The following R3HCC1L variants were observed in gnomAD, a reference collection of about 807,000 sequenced individuals.
R3HCC1L encodes the protein coiled-coil domain-containing protein R3HCC1L.
A neutral mutation model predicts 59.9 loss-of-function variants in R3HCC1L; 51 were observed. That is an observed-to-expected ratio of 0.85 (90% CI 0.68 to 1.07). The LOEUF is 1.07. Ranked by LOEUF, R3HCC1L falls within the 50% of genes least tolerant of loss-of-function variation. The pLI is 0.00. For missense variants in R3HCC1L, 965 were observed against 933.0 expected, an observed-to-expected ratio of 1.03 and a Z score of -0.45; for synonymous variants, 322 against 315.2, an observed-to-expected ratio of 1.02 and a Z score of -0.23.
rs1385721959 is a variant in R3HCC1L at position 98,163,272 on chromosome 10, CTT to C, written c.-119-20_-119-19del. The C allele has an allele frequency of 6.0e-4, 291 of 488,252 alleles. 1 individual carries two copies. Among genetic ancestry groups the C allele is most frequent in the South Asian group, 2.3e-4 (3 of 12,816 alleles). The allele number at this position is 488,252 out of a possible 1,614,324, so 30.2% of individuals were successfully genotyped here. On this transcript the variant is annotated intron_variant, in intron 3 of 9. Coordinates refer to ENST00000298999, the MANE Select transcript of R3HCC1L (RefSeq NM_001351015.2). ...TAACTGTGTATTTTTATAAAAATAA[CTT>C]ATTATTACTATTTTTCAGGTGAGGC...
At chr10:98,231,814 G>T (rs752541822) in intron 6 of R3HCC1L, 127 bp downstream of exon 6, 4 of 1,015,618 alleles carry the variant, frequency 3.9e-6, no homozygotes, top group Non-Finnish European at 5.6e-6. Context: ...CTGGTTTATT[G>T]TCTTTTCCAG....
At position 98,153,607 on chromosome 10, in the gene R3HCC1L, A is replaced by AT. The variant is rs1452535497; in HGVS notation, c.-267-2484dup. 2.1e-5 allele frequency among the ~76,000 whole-genome samples: 3 copies of AT among 145,402 alleles called. No individual in the cohort carries two copies. The South Asian group carries it at 6.4e-4, about 31-fold the overall frequency. On this transcript the variant is annotated intron_variant, in intron 1 of 9. Coordinates refer to ENST00000298999, the MANE Select transcript of R3HCC1L (RefSeq NM_001351015.2). ...TGCGAGAAACACCCAAGAATGATCA[A>AT]TTAAAAAAAAAAAAAAAAAAAAAAG...
At chr10:98,211,207 A>G in intron 5 of R3HCC1L, 1 of 687,826 alleles carries the variant, frequency 1.5e-6, no homozygotes. Flanking sequence ...AGTGATTTCC[A>G]AAGTATGGTC....
At chr10:98,172,845 CT>C (rs1220376562) in intron 4 of R3HCC1L, among the ~76,000 whole-genome samples, 1 of 152,120 alleles carries the variant, frequency 6.6e-6, no homozygotes, top group East Asian at 1.9e-4. Flanking sequence ...TTTGACTAAA[CT>C]TGGGATGACA....
chr10:98,208,782 T>G lies in R3HCC1L; in HGVS notation c.668T>G (p.Val223Gly), dbSNP rs1853103327. The change falls in exon 5 of 10, where the codon GTT becomes GGT. Residue 223 changes from valine (V) to glycine (G), a missense_variant. Transcript: ENST00000298999. ...VLEILYEFPR[V>G]FSSVMKPENM... The stretch of plus-strand genomic sequence containing the variant: ...GAGATACTATATGAGTTTCCTAGAG[T>G]TTTTAGTTCTGTCATGAAACCTGAG... 6.2e-7 allele frequency: 1 copy of G among 1,613,846 alleles called. No homozygotes were observed. The highest frequency in any genetic ancestry group is 8.5e-7 in the Non-Finnish European group (1 of 1,179,972).
intron 2 of R3HCC1L, among the ~76,000 whole-genome samples, chr10:98,156,663 A>G (rs1198274022): frequency 6.6e-6 from 1 of 152,228 alleles, no homozygotes; most frequent in Non-Finnish European, 1.5e-5. Context: ...AACATAATCT[A>G]TAGAGGAATG....
chr10:98,160,035 C>T (rs1392863727), intron 2 of R3HCC1L, among the ~76,000 whole-genome samples: 1 of 152,218 alleles, frequency 6.6e-6, no homozygotes, highest in Non-Finnish European at 1.5e-5. Context: ...CCCAACACTA[C>T]AGGGTTTATT....
At chr10:98,237,848 A>C (rs1857130656) in intron 9 of R3HCC1L, among the ~76,000 whole-genome samples, 1 of 152,180 alleles carries the variant, frequency 6.6e-6, no homozygotes, top group South Asian at 2.1e-4. Context: ...CATGGAGCCC[A>C]GGCTTTAAAT....
rs1191636538 is a variant in R3HCC1L, at chr10:98,209,298, A to G, written c.1184A>G (p.Tyr395Cys). The G allele has an allele frequency of 1.9e-6, 3 of 1,613,888 alleles. No homozygotes were observed. The East Asian group carries it at 6.7e-5, about 36-fold the overall frequency. ...GATCATGTAACTGTTGATAGCCCTT[A>G]TGTAGTTGCAGTTAGAATAGCTGAT... Reference protein sequence around the residue: ...CSDHVTVDSPYVVAVRIADET... With the variant: ...CSDHVTVDSPCVVAVRIADET... The change falls in exon 5 of 10, where the codon TAT (tyrosine) becomes TGT (cysteine). Residue 395 changes from tyrosine (Y) to cysteine (C), a missense_variant. By Grantham distance (194) the Tyr-to-Cys change is radical. Coordinates refer to ENST00000298999, the MANE Select transcript of R3HCC1L (RefSeq NM_001351015.2).
chr10:98,211,056 A>C (rs184386262), intron 5 of R3HCC1L, among the ~76,000 whole-genome samples: 1 of 152,212 alleles, frequency 6.6e-6, no homozygotes, highest in African/African-American at 2.4e-5. Flanking sequence ...GTCAGGAAAC[A>C]CTATATCTTA....
At chr10:98,158,090 A>G (rs575884176) in intron 2 of R3HCC1L, among the ~76,000 whole-genome samples, 7 of 152,354 alleles carry the variant, frequency 4.6e-5, no homozygotes, top group African/African-American at 1.4e-4. Context: ...ATACGCTGAT[A>G]AACATGAGGA....
chr10:98,154,002 T>C lies in R3HCC1L; in HGVS notation c.-267-2091T>C, dbSNP rs1219740131. On this transcript the variant is annotated intron_variant, in intron 1 of 9. Transcript: ENST00000298999. ...AAAGAGAAGGACACATCTCACTTCC[T>C]TTAAGGATACTTCCTGGAAGTTATA... is the stretch of plus-strand genomic sequence containing the variant. Among the ~76,000 whole-genome samples the C allele has an allele frequency of 2.0e-5, 3 of 152,162 alleles. No individual in the cohort carries two copies. In the East Asian group the frequency reaches 5.8e-4, roughly 29 times the overall value.
At chr10:98,141,919 A>G (rs1845176399) in intron 1 of R3HCC1L, among the ~76,000 whole-genome samples, 1 of 152,216 alleles carries the variant, frequency 6.6e-6, no homozygotes, top group Non-Finnish European at 1.5e-5. Context: ...GAGTCACTGT[A>G]AGAAAAACAT....
Position 98,209,797 on chromosome 10 carries a change from A to G in R3HCC1L, c.1683A>G (p.Ala561=). ...SSMETSIEPK[A]TETSHTEGIT... ...TGGAAACATCCATCGAACCAAAAGC[A>G]ACTGAAACTTCTCACACAGAGGGAA... is the stretch of plus-strand genomic sequence containing the variant. Residue 561 remains alanine, a synonymous_variant, in exon 5 of 10, where the codon GCA becomes GCG. Coordinates refer to ENST00000298999, the MANE Select transcript of R3HCC1L (RefSeq NM_001351015.2). 1.2e-6 allele frequency: 2 copies of G among 1,613,944 alleles called. No homozygotes were observed. Among genetic ancestry groups the G allele is most frequent in the African/African-American group, 1.3e-5 (1 of 75,036 alleles).
chr10:98,135,803 C>G lies in R3HCC1L; in HGVS notation c.-268+1097C>G, dbSNP rs376872851. Among the ~76,000 whole-genome samples the G allele has an allele frequency of 1.2e-4, 19 of 152,320 alleles. No homozygotes were observed. In the East Asian group the frequency reaches 3.5e-3, roughly 28 times the overall value. The stretch of plus-strand genomic sequence containing the variant: ...ACCTTCCTTCAGTATCACACAGGTA[C>G]AAGCATAAAGCAGTAAACGTTCCTC... On this transcript the variant is annotated intron_variant, in intron 1 of 9. Coordinates refer to ENST00000298999, the MANE Select transcript of R3HCC1L (RefSeq NM_001351015.2).
chr10:98,233,671 GTCA>G (rs1196859250), intron 6 of R3HCC1L, among the ~76,000 whole-genome samples: 4 of 152,158 alleles, frequency 2.6e-5, no homozygotes, highest in African/African-American at 4.8e-5. Context: ...TAACTGTTAT[GTCA>G]TCATCCTGAC....
intron 1 of R3HCC1L, among the ~76,000 whole-genome samples, chr10:98,153,290 G>C (rs867286744): frequency 6.6e-6 from 1 of 152,156 alleles, no homozygotes; most frequent in Non-Finnish European, 1.5e-5. Flanking sequence ...GCCTTGGGAT[G>C]CTGTTGATCT....
chr10:98,216,782 C>G (rs1590751360), intron 5 of R3HCC1L, among the ~76,000 whole-genome samples: 1 of 152,008 alleles, frequency 6.6e-6, no homozygotes, highest in Non-Finnish European at 1.5e-5. Flanking sequence ...CTCTTGTTGT[C>G]TTGCCTAGGC....
chr10:98,234,667 T>C lies in R3HCC1L; in HGVS notation c.2032+151T>C, dbSNP rs1856724110. The C allele has an allele frequency of 6.9e-6, 5 of 721,222 alleles. No individual in the cohort carries two copies. In the South Asian group the frequency reaches 9.1e-5, roughly 13 times the overall value. The allele number at this position is 721,222 out of a possible 1,614,324, so 44.7% of individuals were successfully genotyped here. ...GTGGTTTTTTTGAGGTAAGGTACTT[T>C]GGTACCCATTCTCACCTTTCACCTT... On this transcript the variant is annotated intron_variant, in intron 7 of 9. Coordinates refer to ENST00000298999, the MANE Select transcript of R3HCC1L (RefSeq NM_001351015.2).
Sources: allele counts gnomAD v4.1 joint callset (sites outside exome capture counted in the v4.1 genomes callset), GRCh38; gene constraint gnomAD v4.1.1; transcripts MANE v1.5; gene names NCBI Gene and HGNC (gene_info 2026-07-23, HGNC 2026-07-21).